Variants in PTK2 observed in about 807,000 individuals in gnomAD.
PTK2 encodes protein tyrosine kinase 2, also known as focal adhesion kinase 1.
Under a neutral mutation model 150.1 loss-of-function variants are expected in PTK2, and 45 were observed. That is an observed-to-expected ratio of 0.30 (90% confidence interval 0.24 to 0.38). The LOEUF is 0.38. Ranked by LOEUF, PTK2 falls within the 10% of genes least tolerant of loss-of-function variation. The probability of loss-of-function intolerance (pLI) is 1.00; values close to 1 mark genes in which losing one functional copy is unlikely to be tolerated. For missense variants in PTK2, 919 were observed against 1,307.3 expected (o/e 0.70, Z 4.58); for synonymous variants, 432 against 449.2 (o/e 0.96, Z 0.48).
chr8:140,818,255 C>T lies in PTK2; in HGVS notation c.867+22G>A, dbSNP rs749259799. 44 of 1,595,528 alleles carry T rather than the reference C, an allele frequency of 2.8e-5. No individual in the cohort carries two copies. The Admixed American group carries it at 6.2e-4, about 22-fold the overall frequency. On this transcript the variant is annotated intron_variant, in intron 10 of 31. Coordinates refer to ENST00000522684, the Ensembl canonical transcript of PTK2. ...TCTTCTTTGTGTAACGCCAAGTTCC[C>T]GAAAGGTCAGAGCAGACTTACATTG...
At position 140,935,137 on chromosome 8, in the gene PTK2, C is replaced by A. The variant is rs184973802; in HGVS notation, c.-121-9388G>T. 6.8e-4 allele frequency among the ~76,000 whole-genome samples: 103 copies of A among 152,182 alleles called. 2 individuals are homozygous for A. Among genetic ancestry groups the A allele is most frequent in the Middle Eastern group, 3.4e-3 (1 of 294 alleles). ...GGGGGAGATAGGAACAACTTTTCAACAACATATAAATGTTTATTTTATATC... is the reference window on the plus strand; with the variant it reads ...GGGGGAGATAGGAACAACTTTTCAAAAACATATAAATGTTTATTTTATATC... On this transcript the variant is annotated intron_variant, in intron 1 of 31. Coordinates refer to ENST00000522684, the Ensembl canonical transcript of PTK2.
intron 1 of PTK2, among the ~76,000 whole-genome samples, chr8:140,972,297 T>C (rs921871844): frequency 6.6e-6 from 1 of 152,132 alleles, no homozygotes; most frequent in Non-Finnish European, 1.5e-5. Context: ...TGGAGTCTCA[T>C]TCTGTCACCC....
rs2100069888 is a variant in PTK2 at position 140,762,397 on chromosome 8, C to T, written c.1235-1135G>A. The T allele has an allele frequency of 8.7e-7, 1 of 1,142,976 alleles. No individual in the cohort carries two copies. Among genetic ancestry groups the T allele is most frequent in the Non-Finnish European group, 1.1e-6 (1 of 918,404 alleles). The allele number at this position is 1,142,976 out of a possible 1,614,324, so 70.8% of individuals were successfully genotyped here. A position where few individuals can be genotyped will look rare whatever the true frequency, so the allele number is the denominator to read the frequency against. On this transcript the variant is annotated intron_variant, in intron 15 of 31. Transcript: ENST00000522684. ...ATCTATTCCATAGCTTTCTGTATTG[C>T]AATTAAGAGAGAAAAAAATTGAAGA...
intron 1 of PTK2, among the ~76,000 whole-genome samples, chr8:140,988,766 C>G (rs1338799628): frequency 6.9e-6 from 1 of 145,622 alleles, no homozygotes; most frequent in Non-Finnish European, 1.5e-5. Context: ...CACACGTATA[C>G]GGACAAGTGA....
intron 22 of PTK2, chr8:140,718,382 T>C (rs2100040935): frequency 1.3e-5 from 2 of 152,216 alleles, no homozygotes; most frequent in African/African-American, 4.8e-5. Context: ...CAGCGACTGC[T>C]AGGCAGCTTC....
intron 22 of PTK2, among the ~76,000 whole-genome samples, chr8:140,725,745 T>C (rs1205197367): frequency 6.6e-6 from 1 of 151,634 alleles, no homozygotes; most frequent in Non-Finnish European, 1.5e-5. Context: ...GCTAAAATAA[T>C]GGAACAGAGA....
chr8:140,954,061 C>T (rs1321006673), intron 1 of PTK2, among the ~76,000 whole-genome samples: 4 of 152,038 alleles, frequency 2.6e-5, no homozygotes, highest in Non-Finnish European at 4.4e-5. Context: ...TCCACCTCCT[C>T]CTGTGGAGGT....
intron 1 of PTK2, among the ~76,000 whole-genome samples, chr8:140,982,092 T>C (rs1588571127): frequency 6.9e-6 from 1 of 145,548 alleles, no homozygotes; most frequent in Non-Finnish European, 1.5e-5. Flanking sequence ...AATGACTCAG[T>C]TAAAAACAGA....
chr8:140,970,934 C>A (rs1416668410), intron 1 of PTK2, among the ~76,000 whole-genome samples: 1 of 151,574 alleles, frequency 6.6e-6, no homozygotes, highest in East Asian at 1.9e-4. Flanking sequence ...AGACTATAAG[C>A]TTTTCAATAA....
In PTK2 at chr8:140,802,458, AG is replaced by A. The variant is rs570558622; in HGVS notation, c.975+1084del. On this transcript the variant is annotated intron_variant, in intron 11 of 31. Coordinates refer to ENST00000522684, the Ensembl canonical transcript of PTK2. Reference sequence around the variant, plus strand: ...AGAGTCAAAAAAGCCGAAAAAAATCAGTTTATAAAATATAAAAGTTACTGTA... The same window carrying A: ...AGAGTCAAAAAAGCCGAAAAAAATCATTTATAAAATATAAAAGTTACTGTA... 3.3e-3 allele frequency among the ~76,000 whole-genome samples: 507 copies of A among 152,356 alleles called. 3 individuals are homozygous for A. The highest frequency in any genetic ancestry group is 0.012 in the African/African-American group (492 of 41,584).
chr8:140,913,117 T>C (rs2100163875), intron 2 of PTK2, among the ~76,000 whole-genome samples: 1 of 152,082 alleles, frequency 6.6e-6, no homozygotes, highest in South Asian at 2.1e-4. Context: ...AAGACATAGA[T>C]GAAGATATAA....
intron 4 of PTK2, among the ~76,000 whole-genome samples, chr8:140,872,664 G>A (rs543607638): frequency 6.6e-5 from 10 of 152,326 alleles, no homozygotes; most frequent in African/African-American, 2.2e-4. Flanking sequence ...GGATTGGGAA[G>A]AGCTGGTGGC....
rs1463696475 is a variant in PTK2, at chr8:140,876,646, ATTC to A, written c.362+2822_362+2824del. On this transcript the variant is annotated intron_variant, in intron 4 of 31. Coordinates refer to ENST00000522684, the Ensembl canonical transcript of PTK2. ...CCTCTTCTCCATTCTTTTTTATTCTATTCTTCTTGAGTTTCTGTTAGAAATGGG... is the reference window on the plus strand; with the variant it reads ...CCTCTTCTCCATTCTTTTTTATTCTATTCTTGAGTTTCTGTTAGAAATGGG... 2.0e-5 allele frequency among the ~76,000 whole-genome samples: 3 copies of A among 151,832 alleles called. No homozygotes were observed. The East Asian group carries it at 5.8e-4, about 29-fold the overall frequency.
At chr8:140,723,392 A>G (rs2100044097) in intron 22 of PTK2, among the ~76,000 whole-genome samples, 1 of 152,222 alleles carries the variant, frequency 6.6e-6, no homozygotes, top group African/African-American at 2.4e-5. Context: ...TTTCTGAGAA[A>G]CCATAATTTG....
intron 26 of PTK2, among the ~76,000 whole-genome samples, chr8:140,692,748 T>C (rs1430893688): frequency 5.3e-5 from 8 of 152,184 alleles, no homozygotes; most frequent in Non-Finnish European, 7.3e-5. Flanking sequence ...CTCCTTTCAC[T>C]ATACTGTATT....
At chr8:140,799,727 T>C (rs895964150) in intron 12 of PTK2, among the ~76,000 whole-genome samples, 2 of 152,178 alleles carry the variant, frequency 1.3e-5, no homozygotes, top group Non-Finnish European at 2.9e-5. Context: ...AGAAGACAGT[T>C]ACTGTTCTTC....
intron 27 of PTK2, among the ~76,000 whole-genome samples, chr8:140,683,790 C>T (rs2100018327): frequency 6.7e-6 from 1 of 148,382 alleles, no homozygotes; most frequent in Non-Finnish European, 1.5e-5. Flanking sequence ...AAAAAGCTTC[C>T]AATAAAATTC....
intron 30 of PTK2, among the ~76,000 whole-genome samples, chr8:140,667,986 C>T (rs2093354404): frequency 6.6e-6 from 1 of 152,222 alleles, no homozygotes; most frequent in South Asian, 2.1e-4. Context: ...TTCTCTTTCA[C>T]TGCAGACTTT....
At chr8:140,712,988 G>A (rs997390086) in intron 23 of PTK2, among the ~76,000 whole-genome samples, 5 of 152,146 alleles carry the variant, frequency 3.3e-5, no homozygotes, top group Admixed American at 3.3e-4. Context: ...GAAAAAAAGT[G>A]TTTAGTCCAG....
Sources: gnomAD v4.1 joint callset for allele counts (sites outside exome capture counted in the v4.1 genomes callset) on GRCh38, gnomAD v4.1.1 for gene constraint, MANE v1.5 for transcripts, NCBI Gene and HGNC (gene_info 2026-07-23, HGNC 2026-07-21) for gene names.